ASTN2: variants seen among roughly 807,000 people sequenced by gnomAD.
The protein encoded by ASTN2 is astrotactin-2.
ASTN2 carries 54 observed loss-of-function variants against 139.8 expected under a neutral mutation model. That is an observed-to-expected ratio of 0.39 (90% CI 0.31 to 0.48). The LOEUF is 0.48. Ranked by LOEUF, ASTN2 falls within the 20% of genes least tolerant of loss-of-function variation. ASTN2 has a pLI of 0.95. For missense variants in ASTN2, 1,565 were observed against 1,725.1 expected (o/e 0.91, Z 1.64); for synonymous variants, 756 against 719.5 (o/e 1.05, Z -0.81).
intron 17 of ASTN2, among the ~76,000 whole-genome samples, chr9:116,649,614 T>G (rs968495413): frequency 6.6e-6 from 1 of 152,116 alleles, no homozygotes; most frequent in Admixed American, 6.6e-5. Flanking sequence ...TTTCTTCAGT[T>G]AATAATACAT....
intron 11 of ASTN2, among the ~76,000 whole-genome samples, chr9:116,840,355 G>A (rs1832175103): frequency 1.3e-5 from 2 of 150,958 alleles, no homozygotes; most frequent in African/African-American, 4.9e-5. Context: ...ACAAAGCCGC[G>A]ATTGTCATCC....
At chr9:117,016,835 C>A (rs1837729173) in intron 6 of ASTN2, among the ~76,000 whole-genome samples, 2 of 133,952 alleles carry the variant, frequency 1.5e-5, no homozygotes, top group African/African-American at 6.2e-5. Context: ...ATATGTTTTT[C>A]CAAATAAAGC....
chr9:117,180,619 T>C (rs1417148253), intron 3 of ASTN2: 4 of 1,264,856 alleles, frequency 3.2e-6, no homozygotes, highest in African/African-American at 1.5e-5. Context: ...ACAACTGATC[T>C]GGAGTATCTT....
intron 20 of ASTN2, among the ~76,000 whole-genome samples, chr9:116,467,290 CAG>C (rs1334730390): frequency 6.6e-6 from 1 of 151,932 alleles, no homozygotes; most frequent in South Asian, 2.1e-4. Flanking sequence ...TCTTTTGAGA[CAG>C]AGTCTCGCTC....
chr9:116,822,585 C>T (rs774317390), intron 11 of ASTN2, among the ~76,000 whole-genome samples: 1 of 152,134 alleles, frequency 6.6e-6, no homozygotes, highest in Non-Finnish European at 1.5e-5. Flanking sequence ...ATTTTCTGAC[C>T]AGGTAACAGG....
intron 17 of ASTN2, among the ~76,000 whole-genome samples, chr9:116,649,829 C>T (rs1857809117): frequency 6.6e-6 from 1 of 152,052 alleles, no homozygotes; most frequent in African/African-American, 2.4e-5. Flanking sequence ...ACCTCATGGC[C>T]CACAGGATAG....
intron 11 of ASTN2, among the ~76,000 whole-genome samples, chr9:116,856,092 A>G (rs1190976746): frequency 6.6e-6 from 1 of 152,144 alleles, no homozygotes. Context: ...CTGTTTTGCA[A>G]CCCAAGAGCC....
At position 116,425,217 on chromosome 9, in the gene ASTN2, C is replaced by A; in HGVS notation, c.*634G>T. On this transcript the variant is annotated 3_prime_UTR_variant, in exon 23 of 23. Transcript: ENST00000313400. ...ACATTCCCTTGGTAAGAAATACCAC[C>A]CAAGCAGAAAGAGAGACAATAGGAA... 7.2e-6 allele frequency: 2 copies of A among 279,140 alleles called. No homozygotes were observed. The highest frequency in any genetic ancestry group is 1.3e-5 in the Non-Finnish European group (2 of 149,556). 17.3% of individuals were successfully genotyped at this position (279,140 alleles called of 1,614,324 possible).
chr9:117,140,566 G>A (rs1258819098), intron 4 of ASTN2, among the ~76,000 whole-genome samples: 1 of 151,108 alleles, frequency 6.6e-6, no homozygotes, highest in Middle Eastern at 3.2e-3. Flanking sequence ...GGAGGAGGAA[G>A]AGAAGTAGGA....
At chr9:117,365,408 G>A (rs1265896270) in intron 1 of ASTN2, among the ~76,000 whole-genome samples, 1 of 152,156 alleles carries the variant, frequency 6.6e-6, no homozygotes, top group Non-Finnish European at 1.5e-5. Flanking sequence ...CCACATCTCA[G>A]GTTTCACTCA....
chr9:117,273,973 A>G (rs1256771197), intron 2 of ASTN2, among the ~76,000 whole-genome samples: 1 of 152,202 alleles, frequency 6.6e-6, no homozygotes, highest in Non-Finnish European at 1.5e-5. Flanking sequence ...GGAGTAGAAG[A>G]TAGTCCCCTG....
At chr9:117,269,337 C>A (rs1023278861) in intron 2 of ASTN2, among the ~76,000 whole-genome samples, 1 of 152,164 alleles carries the variant, frequency 6.6e-6, no homozygotes, top group Non-Finnish European at 1.5e-5. Context: ...AAGAATGACA[C>A]TTTAAAGACA....
intron 2 of ASTN2, among the ~76,000 whole-genome samples, chr9:117,260,763 C>G (rs1367243885): frequency 1.3e-5 from 2 of 152,130 alleles, no homozygotes; most frequent in Non-Finnish European, 2.9e-5. Flanking sequence ...TTAGCTTTCT[C>G]TGTTGTGGAA....
intron 19 of ASTN2, among the ~76,000 whole-genome samples, chr9:116,535,245 C>T (rs1476038092): frequency 1.3e-5 from 2 of 152,090 alleles, no homozygotes; most frequent in Non-Finnish European, 2.9e-5. Context: ...TATTTTGAGC[C>T]TATGTGTGTC....
Position 117,166,587 on chromosome 9 carries a change from A to G in ASTN2, c.1016-25109T>C, listed in dbSNP as rs537639586. Among the ~76,000 whole-genome samples, 26 of 152,214 alleles carry G rather than the reference A, an allele frequency of 1.7e-4. No homozygotes were observed. The East Asian group carries it at 4.7e-3, about 27-fold the overall frequency. ...CTAACGTCTCACAGCTCCTTCACAT[A>G]TAATTTTCTCTTTCACTTCAAATAC... On this transcript the variant is annotated intron_variant, in intron 3 of 22. Transcript: ENST00000313400.
chr9:117,009,357 G>T (rs1056615756), intron 6 of ASTN2, among the ~76,000 whole-genome samples: 2 of 152,038 alleles, frequency 1.3e-5, no homozygotes, highest in Non-Finnish European at 2.9e-5. Flanking sequence ...AATAATCTAT[G>T]TAGATATTCC....
chr9:116,494,326 T>C lies in ASTN2; in HGVS notation c.3356-6826A>G, dbSNP rs540814389. Among the ~76,000 whole-genome samples the C allele has an allele frequency of 4.6e-5, 7 of 152,224 alleles. No individual in the cohort carries two copies. In the East Asian group the frequency reaches 1.2e-3, roughly 25 times the overall value. ...TCAATTTCAGAGAGTCAGGTGAGGA[T>C]TGAGTAAGAGAATATTTATAATATG... On this transcript the variant is annotated intron_variant, in intron 19 of 22. Coordinates refer to ENST00000313400, the MANE Select transcript of ASTN2 (RefSeq NM_001365068.1).
rs1860221087 is a variant in ASTN2 at position 116,686,567 on chromosome 9, C to T, written c.2807-34774G>A. On this transcript the variant is annotated intron_variant, in intron 16 of 22. Transcript: ENST00000313400. ...AGGTCGTGGCCAGCCAGTCCTGTAT[C>T]AGACCTCGTCCTTGCCAGATGCCTA... is the stretch of plus-strand genomic sequence containing the variant. 3.0e-5 allele frequency: 28 copies of T among 925,460 alleles called. No individual in the cohort carries two copies. The South Asian group carries it at 4.2e-4, about 14-fold the overall frequency. The allele number at this position is 925,460 out of a possible 1,614,324, so 57.3% of individuals were successfully genotyped here.
intron 10 of ASTN2, among the ~76,000 whole-genome samples, chr9:116,921,294 T>C (rs912770351): frequency 6.6e-6 from 1 of 152,258 alleles, no homozygotes; most frequent in African/African-American, 2.4e-5. Context: ...CACACTGCTA[T>C]AAAGAACTAC....
Sources: allele counts gnomAD v4.1 joint callset (sites outside exome capture counted in the v4.1 genomes callset), GRCh38; gene constraint gnomAD v4.1.1; transcripts MANE v1.5; gene names NCBI Gene and HGNC (gene_info 2026-07-23, HGNC 2026-07-21).